GPM6B: variants seen among roughly 807,000 people sequenced by gnomAD.
The protein encoded by GPM6B is neuronal membrane glycoprotein M6-b.
GPM6B carries 4 observed loss-of-function variants against 27.2 expected under a neutral mutation model. The ratio of observed to expected loss-of-function variants is 0.15; its 90% CI spans 0.07 to 0.34. GPM6B has a LOEUF of 0.34. Ranked by LOEUF, GPM6B falls within the 10% of genes least tolerant of loss-of-function variation. The probability of loss-of-function intolerance (pLI) is 1.00; values close to 1 mark genes in which losing one functional copy is unlikely to be tolerated. For synonymous variants in GPM6B, 124 were observed against 103.1 expected (o/e 1.20, Z -1.23); for missense variants, 183 against 261.9 (o/e 0.70, Z 2.08).
At chrX:13,878,361 G>T (rs1402506350) in intron 1 of GPM6B, among the ~76,000 whole-genome samples, 5 of 110,035 alleles carry the variant, frequency 4.5e-5, no homozygotes, top group Non-Finnish European at 7.6e-5. Context: ...TGGGGGAAGG[G>T]GTACCAAAGA....
At chrX:13,788,791 C>T (rs1386488211) in intron 2 of GPM6B, among the ~76,000 whole-genome samples, 2 of 109,748 alleles carry the variant, frequency 1.8e-5, no homozygotes, top group Non-Finnish European at 3.8e-5. Context: ...CTGTTCAATC[C>T]CAAATTCAAT....
intron 1 of GPM6B, among the ~76,000 whole-genome samples, chrX:13,876,803 C>T (rs1048901557): frequency 2.7e-5 from 3 of 110,079 alleles, no homozygotes; most frequent in East Asian, 2.9e-4. Flanking sequence ...GCTGTATGTC[C>T]GACTTGAGTG....
At chrX:13,903,344 C>T (rs1469966671) in intron 1 of GPM6B, among the ~76,000 whole-genome samples, 1 of 112,041 alleles carries the variant, frequency 8.9e-6, no homozygotes, top group Non-Finnish European at 1.9e-5. Context: ...ATTTGCCATG[C>T]ACCAGGCACC....
At position 13,797,544 on chromosome X, in the gene GPM6B, G is replaced by T. The variant is rs192779138; in HGVS notation, c.181+10106C>A. ...GTAATGGTGGGGAGAAGTCAGGAAG[G>T]TAGGTCCCCCCATTGCCTGGTCCAT... On this transcript the variant is annotated intron_variant, in intron 2 of 7. Coordinates refer to ENST00000316715, the MANE Select transcript of GPM6B (RefSeq NM_001001995.3). 1.3e-3 allele frequency among the ~76,000 whole-genome samples: 148 copies of T among 111,284 alleles called. 1 individual carries two copies. The highest frequency in any genetic ancestry group is 4.6e-3 in the African/African-American group (142 of 30,594).
intron 1 of GPM6B, among the ~76,000 whole-genome samples, chrX:13,885,797 C>CA (rs1356539227): frequency 9.0e-6 from 1 of 111,586 alleles, no homozygotes; most frequent in African/African-American, 3.3e-5. Flanking sequence ...TCAAGGCAGT[C>CA]AGTGACCGCA....
At position 13,772,747 on chromosome X, in the gene GPM6B, A is replaced by G; in HGVS notation, c.*134T>C. On this transcript the variant is annotated 3_prime_UTR_variant, in exon 8 of 8. Transcript: ENST00000316715. ...GAAGGTTTTCCTAGAGATACATCCC[A>G]GCAGCTTGAGACAGACAGTGAAGTG... is the stretch of plus-strand genomic sequence containing the variant. The G allele has an allele frequency of 3.8e-6, 2 of 520,533 alleles. No homozygotes were observed. Among genetic ancestry groups the G allele is most frequent in the Non-Finnish European group, 6.0e-6 (2 of 332,933 alleles). 42.9% of individuals were successfully genotyped at this position (520,533 alleles called of 1,213,427 possible).
At chrX:13,934,207 T>C (rs1307683932) in intron 1 of GPM6B, among the ~76,000 whole-genome samples, 2 of 111,263 alleles carry the variant, frequency 1.8e-5, no homozygotes, top group Non-Finnish European at 3.8e-5. Flanking sequence ...TCGGTTTGTG[T>C]CCCGATATTA....
At chrX:13,811,819 A>G (rs1177965795) in intron 1 of GPM6B, among the ~76,000 whole-genome samples, 1 of 111,726 alleles carries the variant, frequency 9.0e-6, no homozygotes, top group East Asian at 2.8e-4. Flanking sequence ...TTTCTCTTAT[A>G]CACTCTTTGA....
intron 1 of GPM6B, among the ~76,000 whole-genome samples, chrX:13,860,161 G>C (rs963474044): frequency 8.9e-6 from 1 of 112,263 alleles, no homozygotes; most frequent in East Asian, 2.8e-4. Context: ...ACACAGGAAG[G>C]AATTTTAGAA....
At chrX:13,842,011 C>T (rs1176932773) in intron 1 of GPM6B, among the ~76,000 whole-genome samples, 2 of 112,107 alleles carry the variant, frequency 1.8e-5, no homozygotes, top group African/African-American at 6.5e-5. Flanking sequence ...CGATTCTCAC[C>T]ATGTCATAGG....
intron 1 of GPM6B, among the ~76,000 whole-genome samples, chrX:13,861,738 C>T (rs1226436371): frequency 1.8e-5 from 2 of 111,930 alleles, no homozygotes; most frequent in African/African-American, 6.5e-5. Context: ...GTAACCTAGA[C>T]AGATTCAATT....
chrX:13,929,616 A>G (rs1258603496), intron 1 of GPM6B, among the ~76,000 whole-genome samples: 3 of 111,758 alleles, frequency 2.7e-5, no homozygotes, highest in Non-Finnish European at 5.6e-5. Flanking sequence ...CCCTTTAAGT[A>G]GTGGTAATCA....
Position 13,771,221 on chromosome X carries a change from T to G in GPM6B, c.*1660A>C, listed in dbSNP as rs1361779873. 1 of 111,596 alleles carries G rather than the reference T, an allele frequency of 9.0e-6. No individual in the cohort carries two copies. The highest frequency in any genetic ancestry group is 1.9e-5 in the Non-Finnish European group (1 of 52,965). 9.2% of individuals were successfully genotyped at this position (111,596 alleles called of 1,213,427 possible). ...AAATTCCTGGTAATAGCTACCAGAA[T>G]TAGAAAAGTAAAATTAGGCTTTAGA... On this transcript the variant is annotated 3_prime_UTR_variant, in exon 8 of 8. Coordinates refer to ENST00000316715, the MANE Select transcript of GPM6B (RefSeq NM_001001995.3).
At chrX:13,796,550 C>CG (rs2048819646) in intron 2 of GPM6B, among the ~76,000 whole-genome samples, 1 of 112,287 alleles carries the variant, frequency 8.9e-6, no homozygotes, top group Non-Finnish European at 1.9e-5. Flanking sequence ...TGTCCAAGAA[C>CG]AAAGTGCGAA....
intron 1 of GPM6B, among the ~76,000 whole-genome samples, chrX:13,812,081 G>A (rs1397250983): frequency 3.7e-5 from 3 of 80,526 alleles, no homozygotes; most frequent in African/African-American, 1.5e-4. Context: ...ACAGAGTCTC[G>A]CTCTGTCACC....
At chrX:13,833,065 A>C (rs776946594) in intron 1 of GPM6B, among the ~76,000 whole-genome samples, 2 of 111,431 alleles carry the variant, frequency 1.8e-5, no homozygotes, top group East Asian at 5.6e-4. Flanking sequence ...CAGGAGTTTG[A>C]GGTTATAGTG....
chrX:13,822,363 A>T (rs996751896), intron 1 of GPM6B, among the ~76,000 whole-genome samples: 31 of 102,229 alleles, frequency 3.0e-4, no homozygotes, highest in South Asian at 8.6e-4. Flanking sequence ...AGTGACTCCT[A>T]TTTTTTTTTT....
chrX:13,824,433 T>C (rs1315192114), intron 1 of GPM6B, among the ~76,000 whole-genome samples: 1 of 111,826 alleles, frequency 8.9e-6, no homozygotes, highest in Non-Finnish European at 1.9e-5. Context: ...TGGGGTTGTG[T>C]GGTGGGCATG....
chrX:13,900,008 T>C (rs953653964), intron 1 of GPM6B, among the ~76,000 whole-genome samples: 2 of 112,333 alleles, frequency 1.8e-5, no homozygotes, highest in Non-Finnish European at 3.8e-5. Context: ...CTTCATTATA[T>C]GATAAAGTAT....
Sources: gnomAD v4.1 joint callset for allele counts (sites outside exome capture counted in the v4.1 genomes callset) on GRCh38, gnomAD v4.1.1 for gene constraint, MANE v1.5 for transcripts, NCBI Gene and HGNC (gene_info 2026-07-23, HGNC 2026-07-21) for gene names.